The following DENND1A variants were observed in gnomAD, a reference collection of about 807,000 sequenced individuals.
DENND1A encodes DENN domain-containing protein 1A.
DENND1A carries 51 observed loss-of-function variants against 113.7 expected under a neutral mutation model. The ratio of observed to expected loss-of-function variants is 0.45; its 90% CI spans 0.36 to 0.57. The LOEUF (loss-of-function observed/expected upper bound fraction) is 0.57, where lower values mean the gene tolerates loss of function less well. Among genes scored for constraint, DENND1A ranks in the 20% least tolerant of loss-of-function variants. The pLI is 0.00. For synonymous variants in DENND1A, 565 were observed against 570.8 expected, an observed-to-expected ratio of 0.99 and a Z score of 0.14; for missense variants, 1,258 against 1,395.9, an observed-to-expected ratio of 0.90 and a Z score of 1.57.
Position 123,878,064 on chromosome 9 carries a change from G to A in DENND1A, c.88+887C>T, listed in dbSNP as rs538495736. 4.1e-4 allele frequency among the ~76,000 whole-genome samples: 63 copies of A among 152,010 alleles called. 2 individuals are homozygous for A. The South Asian group carries it at 0.011, about 26-fold the overall frequency. On this transcript the variant is annotated intron_variant, in intron 2 of 23. Transcript: ENST00000394215. ...ATTAAAAATACAAAATTAGCTGGGC[G>A]TGGTGGCACATGCCTATAATCCCAG...
At chr9:123,384,099 G>A (rs139780300) in intron 22 of DENND1A, among the ~76,000 whole-genome samples, 186 bp from the exon 23 acceptor site, 4 of 152,344 alleles carry the variant, frequency 2.6e-5, no homozygotes, top group Admixed American at 2.0e-4. Flanking sequence ...TGGGCATGCC[G>A]ATGGGCCTGG....
intron 5 of DENND1A, among the ~76,000 whole-genome samples, chr9:123,704,385 C>T (rs1263956505): frequency 6.6e-6 from 1 of 152,290 alleles, no homozygotes; most frequent in East Asian, 1.9e-4. Flanking sequence ...ATTCTATCAG[C>T]AGAAAATTCT....
intron 2 of DENND1A, among the ~76,000 whole-genome samples, chr9:123,855,564 T>G (rs1413829084): frequency 6.6e-6 from 1 of 151,428 alleles, no homozygotes; most frequent in African/African-American, 2.4e-5. Flanking sequence ...GGAGGAGAGG[T>G]CAGCCAAGTG....
chr9:123,790,343 A>G (rs1832813586), intron 3 of DENND1A, among the ~76,000 whole-genome samples: 2 of 152,154 alleles, frequency 1.3e-5, no homozygotes, highest in Non-Finnish European at 2.9e-5. Context: ...TGTCTACAAA[A>G]CAAAGTAGAT....
At chr9:123,699,886 C>T (rs1313299675) in intron 5 of DENND1A, among the ~76,000 whole-genome samples, 4 of 151,918 alleles carry the variant, frequency 2.6e-5, no homozygotes, top group African/African-American at 4.8e-5. Context: ...TCAGAAGAGA[C>T]GGAGTTTCGC....
At chr9:123,413,261 G>A (rs1193996432) in intron 19 of DENND1A, 3 of 325,036 alleles carry the variant, frequency 9.2e-6, no homozygotes, top group Middle Eastern at 1.5e-3. Flanking sequence ...AATGTCAGAC[G>A]CCTCAGTAAT....
At chr9:123,531,552 T>TACACA (rs1266925768) in intron 13 of DENND1A, among the ~76,000 whole-genome samples, 151 of 133,854 alleles carry the variant, frequency 1.1e-3, no homozygotes, top group Non-Finnish European at 2.0e-3. Flanking sequence ...CCCCTCTCTC[T>TACACA]CTACACACAC....
chr9:123,538,839 TATATATATATATATATATATGAATTC>T (rs1205760180), intron 13 of DENND1A, among the ~76,000 whole-genome samples: 1 of 121,492 alleles, frequency 8.2e-6, no homozygotes, highest in Admixed American at 8.3e-5. Context: ...TATATATATA[TATATATATATATATATATATGAATTC>T]ATACATATTT....
chr9:123,699,526 C>T (rs925291552), intron 5 of DENND1A, among the ~76,000 whole-genome samples: 1 of 152,034 alleles, frequency 6.6e-6, no homozygotes, highest in Non-Finnish European at 1.5e-5. Flanking sequence ...TCCCCCCTCA[C>T]CCTGGCTCCC....
At position 123,748,624 on chromosome 9, in the gene DENND1A, C is replaced by A. The variant is rs17216679; in HGVS notation, c.302+9079G>T. On this transcript the variant is annotated intron_variant, in intron 5 of 23. Coordinates refer to ENST00000394215, the MANE Select transcript of DENND1A (RefSeq NM_001352964.2). ...TGCTCTTAAGAGTGTAGCTTAGAAG[C>A]AAAGGGCAATTTTAGGAGTGAGGTG... Among the ~76,000 whole-genome samples, 119 of 152,274 alleles carry A rather than the reference C, an allele frequency of 7.8e-4. 4 individuals carry two copies. The South Asian group carries it at 0.023, about 30-fold the overall frequency.
chr9:123,808,643 TCTAAGTTC>T (rs1188102420), intron 2 of DENND1A, among the ~76,000 whole-genome samples: 1 of 152,108 alleles, frequency 6.6e-6, no homozygotes, highest in Non-Finnish European at 1.5e-5. Context: ...AATTTTCATT[TCTAAGTTC>T]CCAGGTGATG....
chr9:123,472,554 C>T (rs2049517181), intron 13 of DENND1A, among the ~76,000 whole-genome samples: 1 of 152,166 alleles, frequency 6.6e-6, no homozygotes, highest in Non-Finnish European at 1.5e-5. Context: ...GTACACCCCG[C>T]CCAGCCCTGA....
At chr9:123,580,654 TC>T (rs1357555315) in intron 12 of DENND1A, among the ~76,000 whole-genome samples, 1 of 152,188 alleles carries the variant, frequency 6.6e-6, no homozygotes, top group Non-Finnish European at 1.5e-5. Context: ...GCCTGAGATA[TC>T]CATGGCTTCA....
chr9:123,630,003 A>C (rs1400575896), intron 10 of DENND1A, among the ~76,000 whole-genome samples: 1 of 152,132 alleles, frequency 6.6e-6, no homozygotes, highest in Non-Finnish European at 1.5e-5. Flanking sequence ...CCGTGCAATC[A>C]GGTGGTCTTA....
chr9:123,691,631 T>C (rs531514245), intron 5 of DENND1A, among the ~76,000 whole-genome samples: 1 of 151,824 alleles, frequency 6.6e-6, no homozygotes, highest in African/African-American at 2.4e-5. Flanking sequence ...AGAGCCCAGC[T>C]TGTAAGAAAT....
chr9:123,808,287 A>G (rs749887124), intron 2 of DENND1A, among the ~76,000 whole-genome samples: 15 of 152,044 alleles, frequency 9.9e-5, no homozygotes, highest in Non-Finnish European at 1.8e-4. Context: ...TTATGCTTAC[A>G]TGGCAGAGGT....
chr9:123,532,499 C>T (rs1254603571), intron 13 of DENND1A, among the ~76,000 whole-genome samples: 1 of 152,082 alleles, frequency 6.6e-6, no homozygotes, highest in Non-Finnish European at 1.5e-5. Context: ...GTAGAATGTC[C>T]CTCAATTCAG....
intron 13 of DENND1A, among the ~76,000 whole-genome samples, chr9:123,506,897 A>G (rs1287518911): frequency 6.6e-6 from 1 of 152,186 alleles, no homozygotes; most frequent in Admixed American, 6.6e-5. Context: ...TGCTCTTTCA[A>G]AAAAAGGCTG....
In DENND1A at chr9:123,381,181, G is replaced by C. The variant is rs776813772; in HGVS notation, c.*251C>G. 1 of 558,560 alleles carries C rather than the reference G, an allele frequency of 1.8e-6. No homozygotes were observed. The highest frequency in any genetic ancestry group is 3.2e-6 in the Non-Finnish European group (1 of 311,654). 34.6% of individuals were successfully genotyped at this position (558,560 alleles called of 1,614,324 possible). On this transcript the variant is annotated 3_prime_UTR_variant, in exon 24 of 24. Transcript: ENST00000394215. This position sits in a 1 kb window ranked among gnomAD's most constrained non-coding sequence, Gnocchi z 4.7. ...AGTGCAAAACCCAATCAAGGGTGCC[G>C]AGGAGAGGCAACCGCGGGGTGGGAT...
Sources: allele counts gnomAD v4.1 joint callset (sites outside exome capture counted in the v4.1 genomes callset), GRCh38; gene constraint gnomAD v4.1.1; non-coding constraint Gnocchi (gnomAD v3.1); transcripts MANE v1.5; gene names NCBI Gene and HGNC (gene_info 2026-07-23, HGNC 2026-07-21).